The following DNAH3 variants were observed in gnomAD, a reference collection of about 807,000 sequenced individuals.
DNAH3 encodes the protein dynein axonemal heavy chain 3, also known as axonemal beta dynein heavy chain 3.
In DNAH3, 332 loss-of-function variants were observed where a neutral mutation model predicts 432.5. That is an observed-to-expected ratio of 0.77 (90% CI 0.70 to 0.84). The LOEUF (loss-of-function observed/expected upper bound fraction) is 0.84. Ranked by LOEUF, DNAH3 falls within the 40% of genes least tolerant of loss-of-function variation. The pLI is 0.00. For missense variants in DNAH3, 4,861 were observed against 5,114.0 expected (o/e 0.95, Z 1.51); for synonymous variants, 1,956 against 1,900.2 (o/e 1.03, Z -0.76).
chr16:21,126,389 C>G (rs2092447245), intron 8 of DNAH3, among the ~76,000 whole-genome samples: 1 of 152,060 alleles, frequency 6.6e-6, no homozygotes, highest in South Asian at 2.1e-4. Flanking sequence ...CTATTATGTG[C>G]CAATGATAGC....
At chr16:21,065,652 C>G (rs2090518020) in intron 24 of DNAH3, among the ~76,000 whole-genome samples, 1 of 152,148 alleles carries the variant, frequency 6.6e-6, no homozygotes, top group East Asian at 1.9e-4. Flanking sequence ...GTAATATTAA[C>G]TAAGTTAAAA....
At chr16:20,988,119 T>G in intron 44 of DNAH3, 54 bp from the exon 45 acceptor site, 1 of 1,605,078 alleles carries the variant, frequency 6.2e-7, no homozygotes, top group Non-Finnish European at 8.5e-7. Flanking sequence ...ATTCTCACAC[T>G]GTCTGTGACC....
At chr16:21,026,741 T>C (rs2088583011) in intron 38 of DNAH3, among the ~76,000 whole-genome samples, 1 of 145,678 alleles carries the variant, frequency 6.9e-6, no homozygotes, top group African/African-American at 2.5e-5. Flanking sequence ...ATGATAGATA[T>C]GGGAGCCTAC....
At chr16:20,935,205 T>C in intron 61 of DNAH3, 143 bp downstream of exon 61, 6 of 942,634 alleles carry the variant, frequency 6.4e-6, no homozygotes, top group Non-Finnish European at 9.5e-6. Flanking sequence ...AGAGCTACTG[T>C]AAATTATGCT....
chr16:21,042,334 A>G (rs16970838), intron 31 of DNAH3, 131 bp from the exon 32 acceptor site: 3 of 852,962 alleles, frequency 3.5e-6, no homozygotes, highest in Non-Finnish European at 5.4e-6. Context: ...ATTCAAAATT[A>G]GGAGCATGAT....
At chr16:21,146,225 A>G (rs1374196920) in intron 1 of DNAH3, 137 bp from the exon 3 acceptor site, 4 of 603,824 alleles carry the variant, frequency 6.6e-6, no homozygotes, top group Non-Finnish European at 1.2e-5. Flanking sequence ...CACTCCTCTC[A>G]TTCCCATCCA....
At chr16:21,143,467 G>T (rs930643780) in intron 3 of DNAH3, among the ~76,000 whole-genome samples, 1 of 152,164 alleles carries the variant, frequency 6.6e-6, no homozygotes, top group Admixed American at 6.5e-5. Context: ...GAATCTGTTG[G>T]TACCTTGATC....
chr16:21,103,312 A>C (rs2091878123), intron 16 of DNAH3, among the ~76,000 whole-genome samples: 1 of 150,852 alleles, frequency 6.6e-6, no homozygotes, highest in Non-Finnish European at 1.5e-5. Context: ...ACCTATGGAA[A>C]AAAAATCAGT....
At chr16:21,091,436 G>A (rs2091532204) in intron 18 of DNAH3, among the ~76,000 whole-genome samples, 1 of 151,882 alleles carries the variant, frequency 6.6e-6, no homozygotes, top group Non-Finnish European at 1.5e-5. Flanking sequence ...GAACTAATAA[G>A]TGATTGCAGC....
chr16:20,991,876 T>A (rs1366386558), intron 44 of DNAH3, among the ~76,000 whole-genome samples: 8 of 152,316 alleles, frequency 5.3e-5, no homozygotes, highest in African/African-American at 1.9e-4. Context: ...TGGTAGCTAC[T>A]GATGCTCAAT....
At chr16:21,133,118 G>A (rs767924097) in intron 7 of DNAH3, among the ~76,000 whole-genome samples, 4 of 151,990 alleles carry the variant, frequency 2.6e-5, no homozygotes, top group East Asian at 1.9e-4. Flanking sequence ...TTGGGGTGCC[G>A]ATGTGGGTGG....
chr16:20,959,159 G>A lies in DNAH3; in HGVS notation c.10826+20C>T, dbSNP rs779501797. 2.5e-6 allele frequency: 4 copies of A among 1,607,248 alleles called. No homozygotes were observed. In the African/African-American group the frequency reaches 4.0e-5, roughly 16 times the overall value. The stretch of plus-strand genomic sequence containing the variant: ...TGGAGGTTGGGTCCCAGAGAAGGCA[G>A]TGGTGGGACAGCATCTCACCTGAAT... On this transcript the variant is annotated intron_variant, in intron 54 of 61. Transcript: ENST00000261383.
At chr16:20,961,529 A>G (rs1028370451) in intron 53 of DNAH3, among the ~76,000 whole-genome samples, 2 of 151,412 alleles carry the variant, frequency 1.3e-5, no homozygotes, top group African/African-American at 4.8e-5. Flanking sequence ...ATAAAATAAA[A>G]TAAAATAAAA....
At chr16:20,983,638 TA>T (rs1014355208) in intron 48 of DNAH3, among the ~76,000 whole-genome samples, 8 of 152,092 alleles carry the variant, frequency 5.3e-5, no homozygotes, top group Non-Finnish European at 1.2e-4. Context: ...GTTCCACACT[TA>T]AAATTCCATT....
rs79234429 is a variant in DNAH3, at chr16:21,028,733, C to T, written c.5440-1606G>A. On this transcript the variant is annotated intron_variant, in intron 37 of 61. Coordinates refer to ENST00000261383, the Ensembl canonical transcript of DNAH3. ...AACCCTGTAGGAAGTAGTGCAATTA[C>T]ACAGGAAAGCCTTGGAATATATACT... Among the ~76,000 whole-genome samples the T allele has an allele frequency of 7.6e-3, 1,156 of 151,934 alleles. 20 individuals carry two copies. Among genetic ancestry groups the T allele is most frequent in the African/African-American group, 0.027 (1,102 of 41,430 alleles).
intron 11 of DNAH3, among the ~76,000 whole-genome samples, chr16:21,119,880 G>T (rs994586649): frequency 8.0e-5 from 12 of 150,372 alleles, no homozygotes; most frequent in Non-Finnish European, 1.3e-4. Flanking sequence ...AGTAGAGACG[G>T]GGTTTCACCA....
chr16:21,140,422 G>T, intron 5 of DNAH3, 114 bp downstream of exon 6: 8 of 1,125,556 alleles, frequency 7.1e-6, no homozygotes, highest in Non-Finnish European at 9.0e-6. Flanking sequence ...TCTAGACTTT[G>T]GTGTTTTTCA....
At chr16:21,140,471 A>C in intron 5 of DNAH3, 65 bp downstream of exon 6, 2 of 1,517,662 alleles carry the variant, frequency 1.3e-6, no homozygotes, top group Non-Finnish European at 1.8e-6. Flanking sequence ...CCCTGAATTT[A>C]GAATCACTGA....
chr16:21,103,271 A>AAACAGGTGG (rs1567795444), intron 16 of DNAH3, among the ~76,000 whole-genome samples: 6 of 146,738 alleles, frequency 4.1e-5, no homozygotes, highest in Non-Finnish European at 6.0e-5. Context: ...CTACTTACTC[A>AAACAGGTGG]TGTAACCAAA....
Sources: gnomAD v4.1 joint callset for allele counts (sites outside exome capture counted in the v4.1 genomes callset) on GRCh38, gnomAD v4.1.1 for gene constraint, MANE v1.5 for transcripts, NCBI Gene and HGNC (gene_info 2026-07-23, HGNC 2026-07-21) for gene names.